Variants in TRPM3 observed in about 807,000 individuals in gnomAD.
TRPM3 encodes the protein transient receptor potential cation channel subfamily M member 3, also known as long transient receptor potential channel 3.
TRPM3 carries 77 observed loss-of-function variants against 181.2 expected under a neutral mutation model. The observed-to-expected ratio is 0.42, with a 90% CI of 0.35 to 0.51. The LOEUF (loss-of-function observed/expected upper bound fraction) is 0.51. Ranked by LOEUF, TRPM3 falls within the 20% of genes least tolerant of loss-of-function variation. TRPM3 has a pLI of 0.01. For missense variants in TRPM3, 1,759 were observed against 2,196.7 expected (o/e 0.80, Z 3.98); for synonymous variants, 745 against 796.4 (o/e 0.94, Z 1.09).
intron 1 of TRPM3, among the ~76,000 whole-genome samples, chr9:70,942,124 G>A (rs369156828): frequency 1.3e-5 from 2 of 152,066 alleles, no homozygotes; most frequent in South Asian, 4.1e-4. Flanking sequence ...GGAACAATTG[G>A]CCACCTTTCA....
chr9:70,752,035 TGTGTGTGTGTGTGTGCGCGC>T (rs1451158985), intron 8 of TRPM3, among the ~76,000 whole-genome samples: 165 of 116,316 alleles, frequency 1.4e-3, no homozygotes, highest in African/African-American at 4.8e-3. Flanking sequence ...TGTGTGTGTG[TGTGTGTGTGTGTGTGCGCGC>T]GCGCGCGCAT....
chr9:71,065,915 G>T (rs1191027739), intron 1 of TRPM3, among the ~76,000 whole-genome samples: 1 of 152,128 alleles, frequency 6.6e-6, no homozygotes, highest in African/African-American at 2.4e-5. Flanking sequence ...ACATATGGCA[G>T]TGGGATACTA....
At chr9:71,346,569 A>G (rs1161753242) in intron 1 of TRPM3, among the ~76,000 whole-genome samples, 1 of 152,236 alleles carries the variant, frequency 6.6e-6, no homozygotes, top group Non-Finnish European at 1.5e-5. Context: ...CAAAAGATAA[A>G]AAGAATTTTA....
intron 8 of TRPM3, among the ~76,000 whole-genome samples, chr9:70,698,827 C>T (rs2071470510): frequency 2.0e-5 from 3 of 152,126 alleles, no homozygotes; most frequent in Non-Finnish European, 2.9e-5. Context: ...TCTGCTCCTT[C>T]CATGTAAGAC....
At chr9:70,620,566 G>A (rs920509561) in intron 15 of TRPM3, among the ~76,000 whole-genome samples, 3 of 152,150 alleles carry the variant, frequency 2.0e-5, no homozygotes, top group African/African-American at 7.2e-5. Context: ...GCACAGTGCT[G>A]AGGGAACATG....
chr9:70,774,809 T>C (rs2094720919), intron 7 of TRPM3: 2 of 152,326 alleles, frequency 1.3e-5, no homozygotes, highest in South Asian at 4.1e-4. Flanking sequence ...AATAAATATG[T>C]ACATCGACTC....
intron 8 of TRPM3, among the ~76,000 whole-genome samples, chr9:70,686,682 CTTCT>C (rs1187041680): frequency 6.3e-5 from 5 of 79,080 alleles, no homozygotes; most frequent in Admixed American, 1.4e-4. Flanking sequence ...AAACTCCTTC[CTTCT>C]TTCCTTCCTT....
At chr9:71,372,941 A>G (rs1203746620) in intron 1 of TRPM3, among the ~76,000 whole-genome samples, 1 of 152,224 alleles carries the variant, frequency 6.6e-6, no homozygotes, top group African/African-American at 2.4e-5. Context: ...CAACAGCACA[A>G]TCAAATTAGA....
chr9:70,984,807 A>G (rs997208901), intron 1 of TRPM3, among the ~76,000 whole-genome samples: 1 of 152,228 alleles, frequency 6.6e-6, no homozygotes, highest in Admixed American at 6.5e-5. Context: ...TTTGACTTTC[A>G]AAATTTTAAG....
chr9:70,808,775 T>C (rs1031899471), intron 6 of TRPM3, among the ~76,000 whole-genome samples: 24 of 152,218 alleles, frequency 1.6e-4, no homozygotes, highest in Admixed American at 1.4e-3. Flanking sequence ...AGTGAACTGA[T>C]CATCAATTTG....
At chr9:70,833,984 G>T (rs1024712087) in intron 5 of TRPM3, among the ~76,000 whole-genome samples, 1 of 151,898 alleles carries the variant, frequency 6.6e-6, no homozygotes, top group African/African-American at 2.4e-5. Flanking sequence ...CTGAGAGAAT[G>T]AAATGAAAAA....
chr9:70,682,713 A>G (rs1329136470), intron 8 of TRPM3, among the ~76,000 whole-genome samples: 2 of 152,202 alleles, frequency 1.3e-5, no homozygotes, highest in Admixed American at 1.3e-4. Flanking sequence ...ATGCTTAACA[A>G]TAATGAAGCA....
chr9:70,919,094 A>G (rs73647180), intron 1 of TRPM3, among the ~76,000 whole-genome samples: 21,960 of 152,018 alleles, frequency 0.14, 1,744 homozygotes, highest in Non-Finnish European at 0.17. Context: ...CCTCTTTCCA[A>G]TTCATCCTAT....
intron 1 of TRPM3, among the ~76,000 whole-genome samples, chr9:71,234,633 CTCT>C (rs753546215): frequency 4.7e-4 from 72 of 152,268 alleles, no homozygotes; most frequent in Non-Finnish European, 7.4e-4. Flanking sequence ...GTATCCTAAT[CTCT>C]TCTTCTTATA....
At chr9:70,771,936 T>A (rs1355509545) in intron 7 of TRPM3, among the ~76,000 whole-genome samples, 1 of 152,202 alleles carries the variant, frequency 6.6e-6, no homozygotes, top group Non-Finnish European at 1.5e-5. Flanking sequence ...CAGGGATTTT[T>A]GTCTATTTGG....
chr9:71,322,941 T>C (rs372063557), intron 1 of TRPM3, among the ~76,000 whole-genome samples: 1 of 152,178 alleles, frequency 6.6e-6, no homozygotes, highest in Non-Finnish European at 1.5e-5. Flanking sequence ...TTAAGTGTAT[T>C]TGCTGTCAAA....
intron 1 of TRPM3, among the ~76,000 whole-genome samples, chr9:70,935,124 C>T (rs2096815218): frequency 1.3e-5 from 2 of 152,296 alleles, no homozygotes; most frequent in South Asian, 4.1e-4. Flanking sequence ...TCATGAATGC[C>T]CACGCACCCA....
chr9:71,423,247 T>A (rs1563915917), intron 1 of TRPM3, among the ~76,000 whole-genome samples: 1 of 152,098 alleles, frequency 6.6e-6, no homozygotes, highest in Non-Finnish European at 1.5e-5. Context: ...GAAAACATTA[T>A]AAGAAATAGG....
chr9:71,028,649 G>T (rs560244706), intron 1 of TRPM3, among the ~76,000 whole-genome samples: 1 of 150,712 alleles, frequency 6.6e-6, no homozygotes, highest in Non-Finnish European at 1.5e-5. Context: ...AAAAAAGCAG[G>T]AATTACAATC....
Sources: gnomAD v4.1 joint callset for allele counts (sites outside exome capture counted in the v4.1 genomes callset) on GRCh38, gnomAD v4.1.1 for gene constraint, MANE v1.5 for transcripts, NCBI Gene and HGNC (gene_info 2026-07-23, HGNC 2026-07-21) for gene names.